STARD13: variants seen among roughly 807,000 people sequenced by gnomAD.
The protein encoded by STARD13 is StAR related lipid transfer domain containing 13, also known as stAR-related lipid transfer protein 13.
In STARD13, 62 loss-of-function variants were observed where a neutral mutation model predicts 106.4. The ratio of observed to expected loss-of-function variants is 0.58; its 90% CI spans 0.48 to 0.72. STARD13 has a LOEUF of 0.72. STARD13 is among the 30% of genes least tolerant of loss of function. The pLI is 0.00. For missense variants in STARD13, 1,387 were observed against 1,424.0 expected (o/e 0.97, Z 0.42); for synonymous variants, 565 against 553.0 (o/e 1.02, Z -0.31).
At chr13:33,189,794 T>G (rs1056336222) in intron 1 of STARD13, among the ~76,000 whole-genome samples, 11 of 152,006 alleles carry the variant, frequency 7.2e-5, no homozygotes, top group African/African-American at 2.7e-4. Context: ...GTGTCCTCCC[T>G]GTGTTCATCC....
chr13:33,415,984 A>C, the STARD13 span, among the ~76,000 whole-genome samples: 5 of 152,350 alleles, frequency 3.3e-5, no homozygotes, highest in African/African-American at 1.2e-4. Context: ...TTATCAGAAG[A>C]ATAAGAAAAT....
chr13:33,430,913 G>A, the STARD13 span, among the ~76,000 whole-genome samples: 490 of 152,256 alleles, frequency 3.2e-3, 2 homozygotes, highest in African/African-American at 0.011. Context: ...GGCTACAAAG[G>A]ATAGAAGGGA....
the STARD13 span, among the ~76,000 whole-genome samples, chr13:33,434,280 G>A: frequency 1.1e-4 from 16 of 149,574 alleles, no homozygotes; most frequent in East Asian, 2.4e-3. Flanking sequence ...TTGAACCCAG[G>A]GGGTGGAGGT....
At chr13:33,263,245 A>T (rs1164261518) in intron 1 of STARD13, among the ~76,000 whole-genome samples, 1 of 151,980 alleles carries the variant, frequency 6.6e-6, no homozygotes, top group East Asian at 1.9e-4. Flanking sequence ...TGCCAGCAGC[A>T]CCCACCCCCT....
chr13:33,597,072 G>A, the STARD13 span, among the ~76,000 whole-genome samples: 1 of 152,260 alleles, frequency 6.6e-6, no homozygotes, highest in African/African-American at 2.4e-5. Flanking sequence ...TTGCTGCATA[G>A]TACTGCTGTT....
intron 1 of STARD13, among the ~76,000 whole-genome samples, chr13:33,183,050 T>C (rs79805164): frequency 0.025 from 3,778 of 152,362 alleles, 138 homozygotes; most frequent in African/African-American, 0.084. Context: ...ATTTACCTCC[T>C]GACTTGCTCA....
intron 1 of STARD13, among the ~76,000 whole-genome samples, chr13:33,277,983 A>G (rs1891541666): frequency 6.6e-6 from 1 of 152,184 alleles, no homozygotes; most frequent in African/African-American, 2.4e-5. Context: ...TCTCCAAAAC[A>G]CAACTTCAAA....
chr13:33,267,757 G>A (rs1421282564), intron 1 of STARD13, among the ~76,000 whole-genome samples: 1 of 152,206 alleles, frequency 6.6e-6, no homozygotes, highest in African/African-American at 2.4e-5. Context: ...TAGATTAGAA[G>A]ACTTAAAAGG....
At chr13:33,436,491 G>A in the STARD13 span, among the ~76,000 whole-genome samples, 1 of 151,972 alleles carries the variant, frequency 6.6e-6, no homozygotes, top group African/African-American at 2.4e-5. Context: ...TGTATATTTA[G>A]GTATATATTT....
chr13:33,631,456 T>C, the STARD13 span, among the ~76,000 whole-genome samples: 3 of 152,256 alleles, frequency 2.0e-5, no homozygotes, highest in Admixed American at 2.0e-4. Context: ...GTTCTTACAT[T>C]GGTAAATCAT....
At chr13:33,582,752 C>A in the STARD13 span, among the ~76,000 whole-genome samples, 1 of 152,070 alleles carries the variant, frequency 6.6e-6, no homozygotes, top group East Asian at 1.9e-4. Flanking sequence ...TCCAGAGGAC[C>A]CCAAGATGGG....
chr13:33,255,955 G>T (rs1245480732), intron 1 of STARD13, among the ~76,000 whole-genome samples: 2 of 152,206 alleles, frequency 1.3e-5, no homozygotes, highest in Non-Finnish European at 2.9e-5. Context: ...GCACATGTAT[G>T]CAGGTCAATT....
the STARD13 span, among the ~76,000 whole-genome samples, chr13:33,361,468 C>T: frequency 6.6e-6 from 1 of 152,154 alleles, no homozygotes; most frequent in Non-Finnish European, 1.5e-5. Context: ...TAGACTGTAG[C>T]TCGGGGGAGT....
At chr13:33,254,180 G>A (rs1026696743) in intron 1 of STARD13, among the ~76,000 whole-genome samples, 1 of 152,204 alleles carries the variant, frequency 6.6e-6, no homozygotes, top group African/African-American at 2.4e-5. Context: ...GGTAGTGGGT[G>A]GCAAAGCGGA....
chr13:33,330,275 C>T (rs902709329), intron 1 of STARD13, among the ~76,000 whole-genome samples: 1 of 152,200 alleles, frequency 6.6e-6, no homozygotes, highest in Non-Finnish European at 1.5e-5. Context: ...ATCTTTTTTA[C>T]AATAGTCACC....
At chr13:33,669,530 CTTTTTTT>C in the STARD13 span, among the ~76,000 whole-genome samples, 1 of 103,156 alleles carries the variant, frequency 9.7e-6, no homozygotes, top group Non-Finnish European at 1.9e-5. Context: ...AGAGGATGTT[CTTTTTTT>C]TTTTTTTTTT....
chr13:33,576,782 A>C, the STARD13 span, among the ~76,000 whole-genome samples: 12 of 152,346 alleles, frequency 7.9e-5, no homozygotes, highest in African/African-American at 2.6e-4. Flanking sequence ...ATATTTAATT[A>C]GACATTTTAA....
intron 1 of STARD13, among the ~76,000 whole-genome samples, chr13:33,220,864 T>C (rs1888318577): frequency 1.3e-5 from 2 of 152,218 alleles, no homozygotes; most frequent in Admixed American, 1.3e-4. Flanking sequence ...CAGAAAATGT[T>C]TGCCTTCTAT....
chr13:33,537,906 C>T, the STARD13 span, among the ~76,000 whole-genome samples: 1 of 152,060 alleles, frequency 6.6e-6, no homozygotes, highest in Non-Finnish European at 1.5e-5. Context: ...CAGAGTCAGG[C>T]CAACTCTAAA....
Sources: allele counts gnomAD v4.1 joint callset (sites outside exome capture counted in the v4.1 genomes callset), GRCh38; gene constraint gnomAD v4.1.1; transcripts MANE v1.5; gene names NCBI Gene and HGNC (gene_info 2026-07-23, HGNC 2026-07-21).